Variants in ANKRD13A observed in about 807,000 individuals in gnomAD.
ANKRD13A encodes ankyrin repeat domain-containing protein 13A.
In ANKRD13A, 48 loss-of-function variants were observed where a neutral mutation model predicts 81.3. The observed-to-expected ratio is 0.59, with a 90% CI of 0.47 to 0.75. The LOEUF (loss-of-function observed/expected upper bound fraction) is 0.75. Among genes scored for constraint, ANKRD13A ranks in the 30% least tolerant of loss-of-function variants. ANKRD13A has a pLI of 0.00. For missense variants in ANKRD13A, 612 were observed against 734.0 expected (o/e 0.83, Z 1.92); for synonymous variants, 230 against 270.1 (o/e 0.85, Z 1.45).
chr12:110,014,789 C>CTTTTTT (rs761398140), intron 3 of ANKRD13A, among the ~76,000 whole-genome samples: 1 of 135,706 alleles, frequency 7.4e-6, no homozygotes, highest in South Asian at 2.3e-4. Flanking sequence ...CATTTCTCTT[C>CTTTTTT]TTTTTTTTTT....
At chr12:110,023,898 T>C in intron 6 of ANKRD13A, 148 bp from the exon 7 acceptor site, 1 of 738,390 alleles carries the variant, frequency 1.4e-6, no homozygotes, top group South Asian at 1.9e-5. Flanking sequence ...CTGTCATTGC[T>C]AACCGCCTCC....
intron 1 of ANKRD13A, among the ~76,000 whole-genome samples, chr12:110,000,821 G>T (rs932700797): frequency 6.8e-6 from 1 of 147,550 alleles, no homozygotes. Context: ...GCAATGGTGC[G>T]ATCTCGGCTC....
At chr12:110,006,262 C>A (rs1056548922) in intron 1 of ANKRD13A, among the ~76,000 whole-genome samples, 4 of 152,220 alleles carry the variant, frequency 2.6e-5, no homozygotes, top group African/African-American at 9.6e-5. Context: ...CACTATTTTA[C>A]ATTTCCACCA....
intron 6 of ANKRD13A, chr12:110,021,249 T>C (rs1399362648): frequency 1.7e-5 from 7 of 408,284 alleles, no homozygotes; most frequent in African/African-American, 1.4e-4. Flanking sequence ...ATTGAGCCAC[T>C]CCTTAGGATT....
At position 110,038,177 on chromosome 12, in the gene ANKRD13A, G is replaced by C. The variant is rs1349570592; in HGVS notation, c.*623G>C. ...TATTTTAGATTATTGTTAACTATTT[G>C]CATCAAATTAAGATACACAAATGGC... On this transcript the variant is annotated 3_prime_UTR_variant, in exon 15 of 15. Coordinates refer to ENST00000261739, the MANE Select transcript of ANKRD13A (RefSeq NM_033121.2). 6.6e-6 allele frequency: 1 copy of C among 152,596 alleles called. No homozygotes were observed. The highest frequency in any genetic ancestry group is 1.5e-5 in the Non-Finnish European group (1 of 68,038). 9.5% of individuals were successfully genotyped at this position (152,596 alleles called of 1,614,324 possible).
intron 9 of ANKRD13A, 115 bp downstream of exon 9, chr12:110,027,881 ACC>A: frequency 1.1e-6 from 1 of 925,688 alleles, no homozygotes; most frequent in Non-Finnish European, 1.7e-6. Context: ...GGCCAAAGAT[ACC>A]CCCAAGCTGG....
chr12:110,019,678 G>C (rs1404527116), intron 6 of ANKRD13A, among the ~76,000 whole-genome samples: 1 of 152,200 alleles, frequency 6.6e-6, no homozygotes, highest in Non-Finnish European at 1.5e-5. Flanking sequence ...AGACCACAGA[G>C]CGTGGAGTTT....
chr12:110,037,971 G>A lies in ANKRD13A; in HGVS notation c.*417G>A, dbSNP rs1446728225. ...AGAGCAGCAGCCGCCTTTGTAAAGT[G>A]TGATCTATGAGAATTGGAGACACTT... On this transcript the variant is annotated 3_prime_UTR_variant, in exon 15 of 15. Transcript: ENST00000261739. The A allele has an allele frequency of 6.3e-6, 1 of 158,282 alleles. No homozygotes were observed. The highest frequency in any genetic ancestry group is 1.4e-5 in the Non-Finnish European group (1 of 71,630). The allele number at this position is 158,282 out of a possible 1,614,324, so 9.8% of individuals were successfully genotyped here.
rs1464219956 is a variant in ANKRD13A, at chr12:110,016,430, T to G, written c.397T>G (p.Trp133Gly). The G allele has an allele frequency of 6.3e-7, 1 of 1,593,526 alleles. No individual in the cohort carries two copies. The highest frequency in any genetic ancestry group is 8.6e-7 in the Non-Finnish European group (1 of 1,165,822). The stretch of plus-strand genomic sequence containing the variant: ...GCAGATGAAATGGGAATTCACCAGC[T>G]GGGGTGAGTGGCTGTGGGCTCGTTA... ...YVQMKWEFTS[W>G]VPLVSRICPN... Residue 133 changes from tryptophan (W) to glycine (G), a missense_variant, in exon 4 of 15, where the codon TGG becomes GGG. Trp to Gly is a radical substitution (Grantham distance 184). Coordinates refer to ENST00000261739, the MANE Select transcript of ANKRD13A (RefSeq NM_033121.2).
chr12:110,033,872 G>A lies in ANKRD13A; in HGVS notation c.1424G>A (p.Gly475Asp). The A allele has an allele frequency of 6.2e-7, 1 of 1,613,410 alleles. No homozygotes were observed. Among genetic ancestry groups the A allele is most frequent in the Non-Finnish European group, 8.5e-7 (1 of 1,179,758 alleles). The change falls in exon 13 of 15, where the codon GGC becomes GAC. Residue 475 changes from glycine (G) to aspartate (D), a missense_variant. By Grantham distance (94) the Gly-to-Asp change is moderately conservative (BLOSUM62 -1). Transcript: ENST00000261739. ...IPESYYVQDN[G>D]RNVHLQDEDY... Reference sequence around the variant, plus strand: ...GAATCTTACTATGTTCAAGACAATGGCAGAAATGTGCATTTGCAAGATGAA... The same window carrying A: ...GAATCTTACTATGTTCAAGACAATGACAGAAATGTGCATTTGCAAGATGAA...
chr12:110,010,978 G>A (rs1039498584), intron 1 of ANKRD13A, among the ~76,000 whole-genome samples: 1 of 152,144 alleles, frequency 6.6e-6, no homozygotes, highest in African/African-American at 2.4e-5. Context: ...GGTGGCTCAT[G>A]CCTTTAATCC....
upstream of ANKRD13A, chr12:109,999,409 G>A (rs1889814983): frequency 5.3e-6 from 1 of 188,454 alleles, no homozygotes; most frequent in Non-Finnish European, 1.1e-5. This position sits in a 1 kb window ranked among gnomAD's most constrained non-coding sequence, Gnocchi z 4.3. Context: ...GCACTTCCCT[G>A]TTTGGGGCAG....
Position 110,032,550 on chromosome 12 carries a change from T to A in ANKRD13A, c.1349-1247T>A, listed in dbSNP as rs535664791. On this transcript the variant is annotated intron_variant, in intron 12 of 14. Coordinates refer to ENST00000261739, the MANE Select transcript of ANKRD13A (RefSeq NM_033121.2). ...TGGTATAGTTCCTTGAATAAAACAT[T>A]CGGCATTACTGTATAAACTGAAGAT... 6 of 152,226 alleles carry A rather than the reference T, an allele frequency of 3.9e-5. No individual in the cohort carries two copies. In the East Asian group the frequency reaches 1.2e-3, roughly 29 times the overall value. 9.4% of individuals were successfully genotyped at this position (152,226 alleles called of 1,614,324 possible).
chr12:110,022,935 C>T (rs1220468988), intron 6 of ANKRD13A, among the ~76,000 whole-genome samples: 2 of 152,214 alleles, frequency 1.3e-5, no homozygotes, highest in Admixed American at 6.5e-5. Flanking sequence ...CTGATCCCTC[C>T]TGTTCTGATG....
chr12:110,005,341 C>T (rs1350409123), intron 1 of ANKRD13A, among the ~76,000 whole-genome samples: 1 of 152,114 alleles, frequency 6.6e-6, no homozygotes, highest in African/African-American at 2.4e-5. Context: ...GAAAATGTGT[C>T]CCTATGTTGC....
chr12:110,012,307 A>C (rs776285783), intron 2 of ANKRD13A, among the ~76,000 whole-genome samples, 170 bp downstream of exon 2: 10 of 152,182 alleles, frequency 6.6e-5, no homozygotes, highest in Admixed American at 6.5e-5. Flanking sequence ...TTGACACTGC[A>C]GTGAACTGTG....
intron 6 of ANKRD13A, chr12:110,021,246 C>T (rs968622248): frequency 2.3e-6 from 1 of 434,330 alleles, no homozygotes; most frequent in African/African-American, 2.0e-5. Flanking sequence ...AGAATTGAGC[C>T]ACTCCTTAGG....
chr12:110,006,633 G>A (rs540908378), intron 1 of ANKRD13A, among the ~76,000 whole-genome samples: 22 of 151,290 alleles, frequency 1.5e-4, no homozygotes, highest in Non-Finnish European at 3.1e-4. Flanking sequence ...TTTCGCTCTT[G>A]TTGCCTAGGC....
intron 9 of ANKRD13A, 155 bp from the exon 10 acceptor site, chr12:110,028,357 C>A: frequency 2.9e-6 from 2 of 689,852 alleles, no homozygotes; most frequent in South Asian, 2.1e-5. Flanking sequence ...TGGTGATATC[C>A]TCATAGATTT....
Sources: gnomAD v4.1 joint callset for allele counts (sites outside exome capture counted in the v4.1 genomes callset) on GRCh38, gnomAD v4.1.1 for gene constraint, Gnocchi (gnomAD v3.1) non-coding constraint, MANE v1.5 for transcripts, NCBI Gene and HGNC (gene_info 2026-07-23, HGNC 2026-07-21) for gene names.